Variants in PPP1R16B observed in about 807,000 individuals in gnomAD.
PPP1R16B encodes protein phosphatase 1 regulatory inhibitor subunit 16B.
Under a neutral mutation model 61.7 loss-of-function variants are expected in PPP1R16B, and 14 were observed. The ratio of observed to expected loss-of-function variants is 0.23; its 90% CI spans 0.15 to 0.35. PPP1R16B has a LOEUF of 0.35. Among genes scored for constraint, PPP1R16B ranks in the 10% least tolerant of loss-of-function variants. The pLI, the probability that PPP1R16B is intolerant of heterozygous loss-of-function variation, is 1.00. For synonymous variants in PPP1R16B, 266 were observed against 305.3 expected, an observed-to-expected ratio of 0.87 and a Z score of 1.34; for missense variants, 547 against 752.5, an observed-to-expected ratio of 0.73 and a Z score of 3.19.
chr20:38,910,992 T>TCAAAA (rs553973851), intron 10 of PPP1R16B, among the ~76,000 whole-genome samples: 2,966 of 151,246 alleles, frequency 0.02, 110 homozygotes, highest in African/African-American at 0.068. Context: ...AGACTCCGTC[T>TCAAAA]CAAAACAAAA....
chr20:38,897,210 C>T (rs1457164713), intron 4 of PPP1R16B, among the ~76,000 whole-genome samples: 1 of 152,094 alleles, frequency 6.6e-6, no homozygotes, highest in Non-Finnish European at 1.5e-5. Context: ...GCCTGTAATC[C>T]CAGCTACTCA....
chr20:38,880,107 C>A (rs1467723390), intron 2 of PPP1R16B, among the ~76,000 whole-genome samples: 1 of 152,210 alleles, frequency 6.6e-6, no homozygotes, highest in African/African-American at 2.4e-5. Context: ...GGGGCCTGAA[C>A]TACATCACAG....
At chr20:38,863,222 A>G (rs539484194) in intron 2 of PPP1R16B, among the ~76,000 whole-genome samples, 1 of 152,266 alleles carries the variant, frequency 6.6e-6, no homozygotes, top group South Asian at 2.1e-4. Flanking sequence ...GGAAATGGGG[A>G]CGTTCCCAGA....
chr20:38,849,678 ACAAC>A (rs1461540037), intron 2 of PPP1R16B, among the ~76,000 whole-genome samples: 11 of 67,638 alleles, frequency 1.6e-4, no homozygotes, highest in African/African-American at 6.1e-4. Flanking sequence ...AACAACAACA[ACAAC>A]AACAAAAAAA....
At chr20:38,864,372 A>C (rs2085076348) in intron 2 of PPP1R16B, among the ~76,000 whole-genome samples, 1 of 152,274 alleles carries the variant, frequency 6.6e-6, no homozygotes, top group South Asian at 2.1e-4. Flanking sequence ...GCCGTTTAAA[A>C]ATGAAAAGTC....
intron 2 of PPP1R16B, among the ~76,000 whole-genome samples, chr20:38,851,097 T>G (rs1359198546): frequency 6.6e-6 from 1 of 152,102 alleles, no homozygotes; most frequent in Non-Finnish European, 1.5e-5. Context: ...TGAAATGAAC[T>G]TAACTACATT....
chr20:38,855,907 CATATATATAT>C lies in PPP1R16B; in HGVS notation c.250+19760_250+19769del, dbSNP rs371138532. ...TGGTCCAGGAAGAGACAGTTTCCTA[CATATATATAT>C]ATATATATATATATATATATATATA... On this transcript the variant is annotated intron_variant, in intron 2 of 10. Coordinates refer to ENST00000299824, the MANE Select transcript of PPP1R16B (RefSeq NM_015568.4). Among the ~76,000 whole-genome samples the C allele has an allele frequency of 6.3e-3, 112 of 17,784 alleles. 1 individual carries two copies. The highest frequency in any genetic ancestry group is 0.016 in the South Asian group (5 of 316). The allele number at this position is 17,784 out of a possible 152,430, so 11.7% of individuals were successfully genotyped here.
chr20:38,898,271 G>A lies in PPP1R16B; in HGVS notation c.468-2310G>A, dbSNP rs575648039. On this transcript the variant is annotated intron_variant, in intron 4 of 10. Transcript: ENST00000299824. Reference sequence around the variant, plus strand: ...GTCTTTTCTCCATTGAATGGCCTTGGTACCCTGTCTAAAATCATTTAACCG... The same window carrying A: ...GTCTTTTCTCCATTGAATGGCCTTGATACCCTGTCTAAAATCATTTAACCG... Among the ~76,000 whole-genome samples, 29 of 152,250 alleles carry A rather than the reference G, an allele frequency of 1.9e-4. 2 individuals carry two copies. In the South Asian group the frequency reaches 6.0e-3, roughly 32 times the overall value.
At chr20:38,911,154 G>GT (rs1270803541) in intron 10 of PPP1R16B, among the ~76,000 whole-genome samples, 303 of 131,430 alleles carry the variant, frequency 2.3e-3, no homozygotes, top group Non-Finnish European at 3.8e-3. Flanking sequence ...CCTCATTCTT[G>GT]TTTTTTTTTT....
At chr20:38,873,968 A>G (rs907038762) in intron 2 of PPP1R16B, among the ~76,000 whole-genome samples, 6 of 152,250 alleles carry the variant, frequency 3.9e-5, no homozygotes, top group Admixed American at 6.5e-5. Context: ...ACCTCAGGTT[A>G]TCTGCCCGCC....
chr20:38,889,715 C>G lies in PPP1R16B; in HGVS notation c.321+50C>G, dbSNP rs1419549944. The G allele has an allele frequency of 4.0e-6, 6 of 1,509,392 alleles. No homozygotes were observed. The South Asian group carries it at 5.6e-5, about 14-fold the overall frequency. The allele number at this position is 1,509,392 out of a possible 1,614,324, so 93.5% of individuals were successfully genotyped here. On this transcript the variant is annotated intron_variant, in intron 3 of 10. Transcript: ENST00000299824. ...CAGGGCTCCCTGCCCCTCACCTGGA[C>G]AGGTACCCTGTTTCTCGGCACTTTC... is the stretch of plus-strand genomic sequence containing the variant.
intron 1 of PPP1R16B, among the ~76,000 whole-genome samples, chr20:38,813,446 C>T (rs2084714209): frequency 6.6e-6 from 1 of 152,176 alleles, no homozygotes; most frequent in Admixed American, 6.5e-5. Context: ...TTCTGATTCA[C>T]AGCCAGACTG....
At chr20:38,840,438 A>C (rs1457340004) in intron 2 of PPP1R16B, among the ~76,000 whole-genome samples, 3 of 152,092 alleles carry the variant, frequency 2.0e-5, no homozygotes, top group Non-Finnish European at 2.9e-5. Context: ...GACCTGCCTG[A>C]GCCCCATGCT....
At chr20:38,875,657 G>T (rs1404447628) in intron 2 of PPP1R16B, among the ~76,000 whole-genome samples, 1 of 152,198 alleles carries the variant, frequency 6.6e-6, no homozygotes, top group Non-Finnish European at 1.5e-5. Context: ...CCTTTTTGCA[G>T]CTGCAGCCTC....
intron 1 of PPP1R16B, among the ~76,000 whole-genome samples, chr20:38,827,260 A>G (rs1198174115): frequency 6.6e-6 from 1 of 152,182 alleles, no homozygotes; most frequent in Non-Finnish European, 1.5e-5. Flanking sequence ...TTTTGTTAAC[A>G]CCTGGTCTGC....
intron 6 of PPP1R16B, 141 bp downstream of exon 6, chr20:38,902,933 C>A: frequency 7.4e-7 from 1 of 1,355,590 alleles, no homozygotes. Context: ...AGGATTGCCC[C>A]TGGATAGGGA....
chr20:38,815,564 G>A (rs1249032041), intron 1 of PPP1R16B, among the ~76,000 whole-genome samples: 1 of 152,208 alleles, frequency 6.6e-6, no homozygotes, highest in Non-Finnish European at 1.5e-5. Flanking sequence ...AACTGTGATA[G>A]ACATTGCTAA....
Position 38,857,231 on chromosome 20 carries a change from A to G in PPP1R16B, c.250+21056A>G, listed in dbSNP as rs1458099459. ...AAAGAAACAGAAGGCTCCTGGCTTT[A>G]GGAAGTTTCTTCTTCTCTCTTCTGT... On this transcript the variant is annotated intron_variant, in intron 2 of 10. Coordinates refer to ENST00000299824, the MANE Select transcript of PPP1R16B (RefSeq NM_015568.4). Among the ~76,000 whole-genome samples the G allele has an allele frequency of 2.0e-5, 3 of 152,376 alleles. No homozygotes were observed. In the South Asian group the frequency reaches 6.2e-4, roughly 32 times the overall value.
At chr20:38,814,754 C>T (rs1568650929) in intron 1 of PPP1R16B, among the ~76,000 whole-genome samples, 1 of 152,196 alleles carries the variant, frequency 6.6e-6, no homozygotes, top group African/African-American at 2.4e-5. Flanking sequence ...GCCCCAGAGT[C>T]TGTGCCAGCC....
Sources: gnomAD v4.1 joint callset for allele counts (sites outside exome capture counted in the v4.1 genomes callset) on GRCh38, gnomAD v4.1.1 for gene constraint, MANE v1.5 for transcripts, NCBI Gene and HGNC (gene_info 2026-07-23, HGNC 2026-07-21) for gene names.